CALN1: variants seen among roughly 807,000 people sequenced by gnomAD.
CALN1 encodes calcium-binding protein 8.
In CALN1, 17 loss-of-function variants were observed where a neutral mutation model predicts 30.6. The observed-to-expected ratio is 0.56, with a 90% CI of 0.38 to 0.83. The LOEUF (loss-of-function observed/expected upper bound fraction) is 0.83. Among genes scored for constraint, CALN1 ranks in the 40% least tolerant of loss-of-function variants. The probability of loss-of-function intolerance (pLI) is 0.00; values close to 1 mark genes in which losing one functional copy is unlikely to be tolerated. For missense variants in CALN1, 291 were observed against 354.9 expected (o/e 0.82, Z 1.45); for synonymous variants, 156 against 131.4 (o/e 1.19, Z -1.28).
At chr7:71,850,782 G>A (rs549280918) in intron 5 of CALN1, among the ~76,000 whole-genome samples, 1 of 152,108 alleles carries the variant, frequency 6.6e-6, no homozygotes, top group African/African-American at 2.4e-5. Flanking sequence ...ATAAAATAAA[G>A]AACAGAATAA....
intron 6 of CALN1, among the ~76,000 whole-genome samples, chr7:71,795,019 TTTC>T (rs1163439453): frequency 6.6e-6 from 1 of 152,142 alleles, no homozygotes; most frequent in African/African-American, 2.4e-5. Flanking sequence ...GCCTATTTTT[TTTC>T]TTTTCTTTTT....
At chr7:72,470,782 G>A in the CALN1 span, among the ~76,000 whole-genome samples, 2 of 152,180 alleles carry the variant, frequency 1.3e-5, no homozygotes, top group African/African-American at 4.8e-5. Flanking sequence ...CACGTGAGCA[G>A]GGGAAGCAAA....
intron 2 of CALN1, among the ~76,000 whole-genome samples, chr7:72,364,443 G>A (rs1253928116): frequency 1.3e-5 from 2 of 152,132 alleles, no homozygotes; most frequent in Non-Finnish European, 1.5e-5. Flanking sequence ...AAATAAAAAT[G>A]TTTATGATTT....
intron 4 of CALN1, among the ~76,000 whole-genome samples, chr7:72,040,756 G>C (rs989127893): frequency 6.6e-6 from 1 of 152,188 alleles, no homozygotes; most frequent in African/African-American, 2.4e-5. Context: ...AACCCAACCA[G>C]CATCTTGAGG....
intron 3 of CALN1, among the ~76,000 whole-genome samples, chr7:72,231,105 T>C (rs1374963713): frequency 2.0e-5 from 3 of 152,134 alleles, no homozygotes; most frequent in African/African-American, 7.2e-5. Flanking sequence ...AGATCAACTG[T>C]TGCAGTACAC....
At chr7:71,954,130 C>T (rs1248386460) in intron 5 of CALN1, among the ~76,000 whole-genome samples, 2 of 151,358 alleles carry the variant, frequency 1.3e-5, no homozygotes, top group South Asian at 2.1e-4. Context: ...TTGAGGCCAA[C>T]GTGGGCAACA....
intron 5 of CALN1, among the ~76,000 whole-genome samples, chr7:72,021,065 G>A (rs1270694387): frequency 1.3e-5 from 2 of 152,098 alleles, no homozygotes; most frequent in Admixed American, 6.6e-5. Context: ...GAGGCTAGGA[G>A]TTTGAGACCA....
chr7:71,907,616 G>C (rs75521081), intron 5 of CALN1, among the ~76,000 whole-genome samples: 4 of 152,120 alleles, frequency 2.6e-5, no homozygotes, highest in Non-Finnish European at 5.9e-5. Context: ...GTTTAAAAGC[G>C]ATAATACCTA....
At chr7:72,038,106 G>T (rs1013076212) in intron 4 of CALN1, among the ~76,000 whole-genome samples, 22 of 152,124 alleles carry the variant, frequency 1.4e-4, no homozygotes, top group African/African-American at 5.3e-4. Context: ...CAGAACCACT[G>T]ATCAGTGGTC....
chr7:72,109,535 G>C (rs555526291), intron 3 of CALN1, among the ~76,000 whole-genome samples: 3 of 152,294 alleles, frequency 2.0e-5, no homozygotes, highest in African/African-American at 7.2e-5. Context: ...CCCAAATTCT[G>C]AATCAAGGCG....
At chr7:72,487,917 A>AGAAG in the CALN1 span, among the ~76,000 whole-genome samples, 2,017 of 62,130 alleles carry the variant, frequency 0.032, 81 homozygotes, top group African/African-American at 0.05. Flanking sequence ...AAAGAAAGAA[A>AGAAG]GAAGGAAGGA....
intron 3 of CALN1, among the ~76,000 whole-genome samples, chr7:72,233,489 G>A (rs1290377809): frequency 6.6e-6 from 1 of 152,150 alleles, no homozygotes; most frequent in African/African-American, 2.4e-5. Flanking sequence ...GCCAAGGCAG[G>A]AGGATCACTT....
the CALN1 span, among the ~76,000 whole-genome samples, chr7:72,462,090 A>G: frequency 6.6e-6 from 1 of 152,164 alleles, no homozygotes; most frequent in African/African-American, 2.4e-5. Flanking sequence ...ATGCCAGGAA[A>G]CAGGTCAAAG....
chr7:72,208,372 G>T (rs1265400664), intron 3 of CALN1, among the ~76,000 whole-genome samples: 2 of 152,148 alleles, frequency 1.3e-5, no homozygotes, highest in Non-Finnish European at 2.9e-5. Context: ...ATACATTTGG[G>T]TATCATTTTT....
At position 72,255,527 on chromosome 7, in the gene CALN1, G is replaced by A. The variant is rs556124344; in HGVS notation, c.244+23159C>T. Among the ~76,000 whole-genome samples, 9 of 151,764 alleles carry A rather than the reference G, an allele frequency of 5.9e-5. No homozygotes were observed. In the South Asian group the frequency reaches 1.5e-3, roughly 25 times the overall value. The stretch of plus-strand genomic sequence containing the variant: ...CTTCCTGGGTTCAAGTGATTCTCAT[G>A]CTTCAGCTTCCCGAGTAGCTAGGAC... On this transcript the variant is annotated intron_variant, in intron 3 of 6. Transcript: ENST00000395275.
intron 5 of CALN1, among the ~76,000 whole-genome samples, chr7:71,963,128 C>G (rs369075710): frequency 2.8e-4 from 42 of 152,200 alleles, no homozygotes; most frequent in African/African-American, 1.0e-3. Flanking sequence ...GTCACCTGTA[C>G]TAAACAGTAA....
intron 4 of CALN1, among the ~76,000 whole-genome samples, chr7:72,041,822 T>G (rs190052653): frequency 3.2e-4 from 48 of 152,312 alleles, no homozygotes; most frequent in Non-Finnish European, 5.0e-4. Flanking sequence ...GATCTGATGA[T>G]CCGATAAAGG....
chr7:72,445,617 C>G (rs928128543), intron 1 of CALN1, among the ~76,000 whole-genome samples: 1 of 152,172 alleles, frequency 6.6e-6, no homozygotes, highest in Admixed American at 6.5e-5. Context: ...TTCATTCCAT[C>G]AAGCGCTTCA....
intron 5 of CALN1, among the ~76,000 whole-genome samples, chr7:71,948,110 G>C (rs539774381): frequency 4.7e-4 from 71 of 152,106 alleles, no homozygotes; most frequent in African/African-American, 1.7e-3. Flanking sequence ...TGCATGCAGG[G>C]AAAAGGTACC....
Sources: gnomAD v4.1 joint callset for allele counts (sites outside exome capture counted in the v4.1 genomes callset) on GRCh38, gnomAD v4.1.1 for gene constraint, MANE v1.5 for transcripts, NCBI Gene and HGNC (gene_info 2026-07-23, HGNC 2026-07-21) for gene names.